FLG2: variants seen among roughly 807,000 people sequenced by gnomAD.
FLG2 encodes the protein filaggrin-2.
In FLG2, 7 loss-of-function variants were observed where a neutral mutation model predicts 3.9. The observed-to-expected ratio is 1.79, with a 90% CI of 1.02 to 3.36. FLG2 has a LOEUF of 3.36. Ranked by LOEUF, FLG2 falls within the 30% of genes most tolerant of loss-of-function variation. The pLI is 0.00. For synonymous variants in FLG2, 1,031 were observed against 1,056.1 expected, an observed-to-expected ratio of 0.98 and a Z score of 0.46; for missense variants, 2,700 against 2,809.4, an observed-to-expected ratio of 0.96 and a Z score of 0.88.
chr1:152,357,844 G>A (rs1227243080), intron 2 of FLG2, among the ~76,000 whole-genome samples, 197 bp from the exon 3 acceptor site: 2 of 152,166 alleles, frequency 1.3e-5, no homozygotes, highest in African/African-American at 4.8e-5. Context: ...ATCCTCAGAA[G>A]AAGACATTTC....
Position 152,358,697 on chromosome 1 carries a change from G to C in FLG2, c.138+50C>G, listed in dbSNP as rs763391442. On this transcript the variant is annotated intron_variant, in intron 2 of 2. Transcript: ENST00000388718. ...TTTAGCTGATCTGGGTCATACAACAGAGCTTGTACAGGACTCCAGCAGCCT... is the reference window on the plus strand; with the variant it reads ...TTTAGCTGATCTGGGTCATACAACACAGCTTGTACAGGACTCCAGCAGCCT... The C allele has an allele frequency of 3.8e-6, 6 of 1,581,438 alleles. No homozygotes were observed. The South Asian group carries it at 5.9e-5, about 16-fold the overall frequency.
intron 1 of FLG2, among the ~76,000 whole-genome samples, chr1:152,359,704 G>A (rs768265532): frequency 1.3e-5 from 2 of 152,048 alleles, no homozygotes; most frequent in Non-Finnish European, 2.9e-5. Context: ...ACTGTGGAAT[G>A]GCCTAGAGGA....
rs754188834 is a variant in FLG2, at chr1:152,352,099, T to C, written c.5687A>G (p.His1896Arg). The C allele has an allele frequency of 6.2e-6, 10 of 1,613,398 alleles. No homozygotes were observed. Among genetic ancestry groups the C allele is most frequent in the Non-Finnish European group, 8.5e-6 (10 of 1,179,778 alleles). The change falls in exon 3 of 3, where the codon CAT becomes CGT. Residue 1896 changes from histidine to arginine, a missense_variant. His to Arg is a conservative substitution (Grantham distance 29). Coordinates refer to ENST00000388718, the MANE Select transcript of FLG2 (RefSeq NM_001014342.3). ...GGCTTGGCTGTGTGTGTGTCCTGAA[T>C]GTGTATGTGAGCCCCCTGAGTGCAC... ...SEVHSGGSHT[H>R]SGHTHSQARS... is the part of the protein sequence containing the mutation.
rs148279391 is a variant in FLG2, at chr1:152,351,986, G to T, written c.5800C>A (p.His1934Asn). 1.2e-5 allele frequency: 19 copies of T among 1,613,600 alleles called. No individual in the cohort carries two copies. In the African/African-American group the frequency reaches 2.1e-4, roughly 18 times the overall value. ...TGTATGGTTTGTCCATGACTAGGGT[G>T]GCCATGTTCAGTGGTATCTCCTGTC... ...GQTGDTTEHGHPSHGQTIQTG... is the reference protein window; with the variant it reads ...GQTGDTTEHGNPSHGQTIQTG... Residue 1934 changes from histidine (H) to asparagine (N), a missense_variant, in exon 3 of 3, where the codon CAC becomes AAC. Physicochemically the swap from His to Asn is moderately conservative, Grantham distance 68 (BLOSUM62 1). Transcript: ENST00000388718.
In FLG2 at chr1:152,352,552, G is replaced by A. The variant is rs1228290098; in HGVS notation, c.5234C>T (p.Ser1745Leu). 7 of 1,610,538 alleles carry A rather than the reference G, an allele frequency of 4.3e-6. No homozygotes were observed. The highest frequency in any genetic ancestry group is 4.1e-5 in the African/African-American group (3 of 73,402). The change falls in exon 3 of 3, where the codon TCA becomes TTA. Residue 1745 changes from serine to leucine, a missense_variant. Physicochemically the swap from Ser to Leu is moderately radical, Grantham distance 145. Transcript: ENST00000388718. ...TCTGGCTTGGCCATGAGTGTGTCCT[G>A]AATGTGTATGTGAGACTCCTGAGTA... The part of the protein sequence containing the change: ...EGYSGVSHTH[S>L]GHTHGQARSQ...
Position 152,350,746 on chromosome 1 carries a change from C to A in FLG2, c.7040G>T (p.Gly2347Val). The A allele has an allele frequency of 1.2e-6, 2 of 1,614,200 alleles. No homozygotes were observed. The highest frequency in any genetic ancestry group is 1.7e-5 in the Admixed American group (1 of 60,024). The change falls in exon 3 of 3, where the codon GGC becomes GTC. Residue 2347 changes from glycine to valine, a missense_variant. Physicochemically the swap from Gly to Val is moderately radical, Grantham distance 109. Transcript: ENST00000388718. ...RHGSSQVWKH[G>V]SYGPAEYDYG... ...GTCATATTCTGCAGGTCCATAGCTG[C>A]CATGTTTCCAAACCTGACTTGATCC... is the stretch of plus-strand genomic sequence containing the variant.
Position 152,352,440 on chromosome 1 carries a change from G to C in FLG2, c.5346C>G (p.His1782Gln). Residue 1782 changes from histidine to glutamine, a missense_variant, in exon 3 of 3, where the codon CAC (histidine) becomes CAG (glutamine). Coordinates refer to ENST00000388718, the MANE Select transcript of FLG2 (RefSeq NM_001014342.3). ...TCTGTGTGGACTGTCCATGACCAGAGTGGGCATGTCTGGTGGTATCGCCTG... is the reference window on the plus strand; with the variant it reads ...TCTGTGTGGACTGTCCATGACCAGACTGGGCATGTCTGGTGGTATCGCCTG... ...GQTGDTTRHA[H>Q]SGHGQSTQTG... The C allele has an allele frequency of 6.2e-7, 1 of 1,612,010 alleles. No individual in the cohort carries two copies.
chr1:152,354,470 T>A lies in FLG2; in HGVS notation c.3316A>T (p.Arg1106Trp). 1 of 1,613,568 alleles carries A rather than the reference T, an allele frequency of 6.2e-7. No homozygotes were observed. Among genetic ancestry groups the A allele is most frequent in the Non-Finnish European group, 8.5e-7 (1 of 1,179,872 alleles). Reference sequence around the variant, plus strand: ...CCAGAGGACTGACCTGAGCCTGGCCTGTGTTGTCCAAATCCAGATGTCTGT... The same window carrying A: ...CCAGAGGACTGACCTGAGCCTGGCCAGTGTTGTCCAAATCCAGATGTCTGT... ...SGQTSGFGQH[R>W]PGSGQSSGFG... Residue 1106 changes from arginine (R) to tryptophan (W), a missense_variant, in exon 3 of 3, where the codon AGG becomes TGG. Arg to Trp is a moderately radical substitution (Grantham distance 101). Coordinates refer to ENST00000388718, the MANE Select transcript of FLG2 (RefSeq NM_001014342.3).
Position 152,351,322 on chromosome 1 carries a change from G to A in FLG2, c.6464C>T (p.Thr2155Ile), listed in dbSNP as rs1365145635. 1 of 1,614,034 alleles carries A rather than the reference G, an allele frequency of 6.2e-7. No individual in the cohort carries two copies. Among genetic ancestry groups the A allele is most frequent in the East Asian group, 2.2e-5 (1 of 44,850 alleles). The change falls in exon 3 of 3, where the codon ACT (threonine) becomes ATT (isoleucine). Residue 2155 changes from threonine (T) to isoleucine (I), a missense_variant. Transcript: ENST00000388718. ...GTIHGQTGDT[T>I]RHGQSGHGQS... ...TCCATGACCAGACTGGCCATGTCTAGTGGTATCTCCTGTCTGTCCATGTAT... is the reference window on the plus strand; with the variant it reads ...TCCATGACCAGACTGGCCATGTCTAATGGTATCTCCTGTCTGTCCATGTAT...
Position 152,348,984 on chromosome 1 carries a change from T to A in FLG2, c.*1626A>T, listed in dbSNP as rs1653808013. On this transcript the variant is annotated 3_prime_UTR_variant, in exon 3 of 3. Coordinates refer to ENST00000388718, the MANE Select transcript of FLG2 (RefSeq NM_001014342.3). ...CACGTCATTTAGCTCCTTGGATAGG[T>A]TTGTCAATAATTAATTAAAACAAAA... The A allele has an allele frequency of 6.6e-6, 1 of 152,162 alleles. No homozygotes were observed. The highest frequency in any genetic ancestry group is 1.5e-5 in the Non-Finnish European group (1 of 68,022). The allele number at this position is 152,162 out of a possible 1,614,324, so 9.4% of individuals were successfully genotyped here. A position where few individuals can be genotyped will look rare whatever the true frequency, so the allele number is the denominator to read the frequency against.
rs1226627903 is a variant in FLG2, at chr1:152,349,311, T to G, written c.*1299A>C. The G allele has an allele frequency of 2.6e-5, 4 of 152,128 alleles. No individual in the cohort carries two copies. The highest frequency in any genetic ancestry group is 9.7e-5 in the African/African-American group (4 of 41,412). 9.4% of individuals were successfully genotyped at this position (152,128 alleles called of 1,614,324 possible). A position where few individuals can be genotyped will look rare whatever the true frequency, so the allele number is the denominator to read the frequency against. Reference sequence around the variant, plus strand: ...ACAGGTGCCCGCTACTGCACCCAGCTAATTTTTGTATTTTTAGTAGAGACG... The same window carrying G: ...ACAGGTGCCCGCTACTGCACCCAGCGAATTTTTGTATTTTTAGTAGAGACG... On this transcript the variant is annotated 3_prime_UTR_variant, in exon 3 of 3. Transcript: ENST00000388718.
Position 152,353,786 on chromosome 1 carries a change from G to A in FLG2, c.4000C>T (p.Gln1334Ter). ...HGHSGHGQST[Q>*]TGSRTSGRQR... ...CTTCCAGATGTTCTGGAACCTGTCT[G>A]TGTAGACTGTCCATGACCAGAATGG... Residue 1334 changes from glutamine to a stop codon, truncating the protein, a stop_gained, in exon 3 of 3, where the codon CAG becomes TAG. Coordinates refer to ENST00000388718, the MANE Select transcript of FLG2 (RefSeq NM_001014342.3). LOFTEE classifies it low-confidence loss of function (END_TRUNC). 1.2e-6 allele frequency: 2 copies of A among 1,614,068 alleles called. No homozygotes were observed. Among genetic ancestry groups the A allele is most frequent in the South Asian group, 1.1e-5 (1 of 91,072 alleles).
chr1:152,359,481 T>C (rs1654370726), intron 1 of FLG2, among the ~76,000 whole-genome samples: 1 of 152,228 alleles, frequency 6.6e-6, no homozygotes, highest in Non-Finnish European at 1.5e-5. Context: ...AGGAACTCTC[T>C]TAATGTCAAG....
rs1175808482 is a variant in FLG2 at position 152,353,274 on chromosome 1, G to A, written c.4512C>T (p.Ser1504=). The change falls in exon 3 of 3, where the codon TCC becomes TCT. Residue 1504 remains serine, a synonymous_variant. Transcript: ENST00000388718. ...CCCCTGAGTGCACTTCACTGTCACT[G>A]GACTCACTGTGGCCAGATCCCCTTC... is the stretch of plus-strand genomic sequence containing the variant. ...TGRRGSGHSE[S]SDSEVHSGGS... 6.4e-7 allele frequency: 1 copy of A among 1,568,478 alleles called. No individual in the cohort carries two copies.
chr1:152,358,975 T>A, intron 1 of FLG2, 69 bp from the exon 2 acceptor site: 1 of 1,398,534 alleles, frequency 7.2e-7, no homozygotes, highest in Non-Finnish European at 9.6e-7. Flanking sequence ...TTCATTTTAA[T>A]AATAACCAGC....
At position 152,352,076 on chromosome 1, in the gene FLG2, C is replaced by T. The variant is rs564288262; in HGVS notation, c.5710G>A (p.Ala1904Thr). The change falls in exon 3 of 3, where the codon GCC (alanine) becomes ACC (threonine). Residue 1904 changes from alanine (A) to threonine (T), a missense_variant. Transcript: ENST00000388718. The stretch of plus-strand genomic sequence containing the variant: ...TCTGACTCTCCATGTTGAGACCTGG[C>T]TTGGCTGTGTGTGTGTCCTGAATGT... ...HTHSGHTHSQ[A>T]RSQHGESEST... The T allele has an allele frequency of 3.7e-6, 6 of 1,613,702 alleles. No individual in the cohort carries two copies. The highest frequency in any genetic ancestry group is 5.1e-6 in the Non-Finnish European group (6 of 1,179,920).
chr1:152,350,882 C>T lies in FLG2; in HGVS notation c.6904G>A (p.Gly2302Arg), dbSNP rs763172922. Residue 2302 changes from glycine to arginine, a missense_variant, in exon 3 of 3, where the codon GGA (glycine) becomes AGA (arginine). Physicochemically the swap from Gly to Arg is moderately radical, Grantham distance 125. Transcript: ENST00000388718. ...GAATGGCCATGTCTAGTGGTATCTC[C>T]TGTCTGTCCATGAGTAGTTTCCAGT... Reference protein sequence around the residue: ...GRLETTHGQTGDTTRHGHSGY... With the variant: ...GRLETTHGQTRDTTRHGHSGY... The T allele has an allele frequency of 1.2e-6, 2 of 1,614,116 alleles. No homozygotes were observed. The highest frequency in any genetic ancestry group is 4.5e-5 in the East Asian group (2 of 44,872).
Position 152,353,336 on chromosome 1 carries a change from C to T in FLG2, c.4450G>A (p.Gly1484Arg). 4.3e-6 allele frequency: 7 copies of T among 1,612,794 alleles called. No homozygotes were observed. The highest frequency in any genetic ancestry group is 5.1e-6 in the Non-Finnish European group (6 of 1,179,786). Reference sequence around the variant, plus strand: ...CTGGACCCTCTCTGTGTGGATTTTCCATGATGATAGTGGGCATGTCTAGTG... The same window carrying T: ...CTGGACCCTCTCTGTGTGGATTTTCTATGATGATAGTGGGCATGTCTAGTG... ...DTTRHAHYHH[G>R]KSTQRGSSTT... The change falls in exon 3 of 3, where the codon GGA (glycine) becomes AGA (arginine). Residue 1484 changes from glycine to arginine, a missense_variant. Physicochemically the swap from Gly to Arg is moderately radical, Grantham distance 125. Transcript: ENST00000388718.
At position 152,356,691 on chromosome 1, in the gene FLG2, G is replaced by A; in HGVS notation, c.1095C>T (p.Asn365=). The A allele has an allele frequency of 1.2e-6, 2 of 1,614,180 alleles. No homozygotes were observed. Among genetic ancestry groups the A allele is most frequent in the Non-Finnish European group, 1.7e-6 (2 of 1,180,036 alleles). The change falls in exon 3 of 3, where the codon AAC becomes AAT. Residue 365 remains asparagine (N), a synonymous_variant. Transcript: ENST00000388718. ...YGARENGQPQ[N]CGGQWRTGSS... ...AGCCTGTTCTCCATTGTCCTCCACA[G>A]TTCTGTGGTTGACCATTTTCTCTAG...
Sources: gnomAD v4.1 joint callset for allele counts (sites outside exome capture counted in the v4.1 genomes callset) on GRCh38, gnomAD v4.1.1 for gene constraint, MANE v1.5 for transcripts, NCBI Gene and HGNC (gene_info 2026-07-23, HGNC 2026-07-21) for gene names.